The following PTPRD variants were observed in gnomAD, a reference collection of about 807,000 sequenced individuals.
The protein encoded by PTPRD is protein tyrosine phosphatase receptor type D.
A neutral mutation model predicts 214.5 loss-of-function variants in PTPRD; 34 were observed. The ratio of observed to expected loss-of-function variants is 0.16; its 90% CI spans 0.12 to 0.21. The LOEUF (loss-of-function observed/expected upper bound fraction) is 0.21. Ranked by LOEUF, PTPRD falls within the 10% of genes least tolerant of loss-of-function variation. The pLI, the probability that PTPRD is intolerant of heterozygous loss-of-function variation, is 1.00. For missense variants in PTPRD, 2,545 were observed against 2,398.7 expected (o/e 1.06, Z -1.27); for synonymous variants, 1,128 against 845.7 (o/e 1.33, Z -5.79).
intron 10 of PTPRD, among the ~76,000 whole-genome samples, chr9:9,089,612 C>T (rs1428950834): frequency 1.3e-5 from 2 of 152,184 alleles, no homozygotes; most frequent in African/African-American, 4.8e-5. Flanking sequence ...GGTTCCTAAA[C>T]TTTCCTCTAT....
intron 2 of PTPRD, among the ~76,000 whole-genome samples, chr9:10,440,674 T>C (rs757996648): frequency 6.6e-6 from 1 of 151,702 alleles, no homozygotes; most frequent in Non-Finnish European, 1.5e-5. Flanking sequence ...AAATCTAGGT[T>C]GGACAGATCA....
At chr9:10,467,691 A>C (rs2131571822) in intron 2 of PTPRD, among the ~76,000 whole-genome samples, 1 of 152,382 alleles carries the variant, frequency 6.6e-6, no homozygotes, top group South Asian at 2.1e-4. Flanking sequence ...TGTAAACACA[A>C]CACAATAGAG....
chr9:9,677,217 G>A (rs1564485037), intron 7 of PTPRD, among the ~76,000 whole-genome samples: 1 of 152,082 alleles, frequency 6.6e-6, no homozygotes, highest in Non-Finnish European at 1.5e-5. Flanking sequence ...CCTATGTCCT[G>A]AATGGTATTG....
At chr9:8,710,408 G>A (rs1201218889) in intron 12 of PTPRD, among the ~76,000 whole-genome samples, 4 of 152,152 alleles carry the variant, frequency 2.6e-5, no homozygotes, top group African/African-American at 7.2e-5. Context: ...TTGAGCCCAT[G>A]AGTTTGAGAC....
intron 35 of PTPRD, among the ~76,000 whole-genome samples, chr9:8,417,061 G>GA (rs2093990171): frequency 6.6e-6 from 1 of 151,900 alleles, no homozygotes; most frequent in Non-Finnish European, 1.5e-5. Flanking sequence ...GGACAGTAAG[G>GA]AAAATAGATT....
At chr9:9,597,863 G>T (rs1179180704) in intron 7 of PTPRD, among the ~76,000 whole-genome samples, 8 of 152,012 alleles carry the variant, frequency 5.3e-5, no homozygotes, top group Non-Finnish European at 1.5e-5. Flanking sequence ...AATGGAGTAT[G>T]CGAAATCCTA....
chr9:9,578,609 T>C (rs1386077328), intron 7 of PTPRD, among the ~76,000 whole-genome samples: 1 of 152,196 alleles, frequency 6.6e-6, no homozygotes, highest in East Asian at 1.9e-4. Context: ...AGACAGTTTG[T>C]TGGGTTTAGG....
At position 10,360,962 on chromosome 9, in the gene PTPRD, C is replaced by T. The variant is rs570665462; in HGVS notation, c.-599-19945G>A. 4.6e-5 allele frequency among the ~76,000 whole-genome samples: 7 copies of T among 151,744 alleles called. No individual in the cohort carries two copies. In the South Asian group the frequency reaches 1.2e-3, roughly 27 times the overall value. ...CTAAAAATACAAAAAATTAGCCGGGCGTGGTGCCGGGCGCCTGTAGTCCCA... is the reference window on the plus strand; with the variant it reads ...CTAAAAATACAAAAAATTAGCCGGGTGTGGTGCCGGGCGCCTGTAGTCCCA... On this transcript the variant is annotated intron_variant, in intron 2 of 45. Transcript: ENST00000381196.
In PTPRD at chr9:8,760,841, T is replaced by C. The variant is rs184359419; in HGVS notation, c.-103-26895A>G. Among the ~76,000 whole-genome samples, 398 of 152,230 alleles carry C rather than the reference T, an allele frequency of 2.6e-3. 3 individuals are homozygous for C. The highest frequency in any genetic ancestry group is 5.0e-3 in the South Asian group (24 of 4,826). On this transcript the variant is annotated intron_variant, in intron 11 of 45. Transcript: ENST00000381196. ...TCGTACAAGTAAAGTAGAAAGTAAA[T>C]TGAGGTAGGAAATTGTACTATGGTT...
intron 10 of PTPRD, among the ~76,000 whole-genome samples, chr9:9,154,872 AT>A (rs1273737593): frequency 3.3e-4 from 50 of 152,180 alleles, no homozygotes; most frequent in Non-Finnish European, 6.0e-4. Flanking sequence ...CCAGTAAAAA[AT>A]ATTATTAGGT....
chr9:9,405,122 C>G (rs893118118), intron 8 of PTPRD, among the ~76,000 whole-genome samples: 18 of 152,176 alleles, frequency 1.2e-4, no homozygotes, highest in African/African-American at 4.3e-4. Context: ...CATTTCCTCC[C>G]AATTCCTTTC....
chr9:9,428,214 A>T (rs537654891), intron 8 of PTPRD, among the ~76,000 whole-genome samples: 25 of 152,080 alleles, frequency 1.6e-4, no homozygotes, highest in Admixed American at 3.3e-4. Context: ...GGATGGAGGA[A>T]GATCTACCAA....
chr9:8,978,531 G>A (rs1271591605), intron 11 of PTPRD, among the ~76,000 whole-genome samples: 1 of 151,808 alleles, frequency 6.6e-6, no homozygotes, highest in African/African-American at 2.4e-5. Context: ...GCCCTCTTTA[G>A]GCAGACTCAG....
chr9:10,503,232 C>A (rs763342923), intron 2 of PTPRD, among the ~76,000 whole-genome samples: 13 of 129,812 alleles, frequency 1.0e-4, no homozygotes, highest in Non-Finnish European at 1.8e-4. Flanking sequence ...ATTTTTTTCC[C>A]AGAAAAGTTT....
At chr9:8,331,027 C>G (rs1373617150) in intron 44 of PTPRD, among the ~76,000 whole-genome samples, 1 of 148,120 alleles carries the variant, frequency 6.8e-6, no homozygotes, top group Non-Finnish European at 1.5e-5. Context: ...ACTTCAATGA[C>G]TTGAGTTATA....
At chr9:8,650,528 C>CAAAAAAAAAAAAAA in intron 12 of PTPRD, among the ~76,000 whole-genome samples, 1 of 104,306 alleles carries the variant, frequency 9.6e-6, no homozygotes, top group Non-Finnish European at 1.9e-5. Flanking sequence ...ACTCCGCCTC[C>CAAAAAAAAAAAAAA]AAAAAAAAAA....
intron 3 of PTPRD, among the ~76,000 whole-genome samples, chr9:10,115,267 T>C (rs1325831629): frequency 6.6e-6 from 1 of 152,102 alleles, no homozygotes; most frequent in African/African-American, 2.4e-5. Flanking sequence ...TGTTTAATGT[T>C]GTATATTTAT....
chr9:8,455,053 T>C (rs1014342400), intron 33 of PTPRD, among the ~76,000 whole-genome samples: 2 of 152,226 alleles, frequency 1.3e-5, no homozygotes, highest in South Asian at 4.1e-4. Flanking sequence ...AGGTATGTCA[T>C]TCCTTTCATG....
At chr9:10,557,313 C>G (rs2062834902) in intron 2 of PTPRD, among the ~76,000 whole-genome samples, 1 of 152,138 alleles carries the variant, frequency 6.6e-6, no homozygotes, top group Non-Finnish European at 1.5e-5. Flanking sequence ...AAAATGTCAA[C>G]ATAACACAGT....
Sources: allele counts gnomAD v4.1 joint callset (sites outside exome capture counted in the v4.1 genomes callset), GRCh38; gene constraint gnomAD v4.1.1; transcripts MANE v1.5; gene names NCBI Gene and HGNC (gene_info 2026-07-23, HGNC 2026-07-21).